RNF149: variants seen among roughly 807,000 people sequenced by gnomAD.
The protein encoded by RNF149 is ring finger protein 149.
In RNF149, 21 loss-of-function variants were observed where a neutral mutation model predicts 39.0. The observed-to-expected ratio is 0.54, with a 90% CI of 0.38 to 0.77. RNF149 has a LOEUF of 0.77. RNF149 is among the 30% of genes least tolerant of loss of function. RNF149 has a pLI of 0.00. For synonymous variants in RNF149, 209 were observed against 213.6 expected (o/e 0.98, Z 0.19); for missense variants, 493 against 534.9 (o/e 0.92, Z 0.77).
chr2:101,274,855 C>A (rs1399805670), downstream of RNF149, among the ~76,000 whole-genome samples: 1 of 151,182 alleles, frequency 6.6e-6, no homozygotes, highest in Non-Finnish European at 1.5e-5. Flanking sequence ...GGCACGATCT[C>A]GGCTCACCGC....
chr2:101,278,905 CA>C (rs1216703481), intron 6 of RNF149, among the ~76,000 whole-genome samples: 2 of 152,194 alleles, frequency 1.3e-5, no homozygotes, highest in Non-Finnish European at 2.9e-5. Context: ...GGTGCACTTC[CA>C]CAGGGAAACA....
At chr2:101,275,433 T>TAAAGACAAAGAGCAAACAATCTACTTGC (rs1682304123), downstream of RNF149, among the ~76,000 whole-genome samples, 12 of 33,836 alleles carry the variant, frequency 3.5e-4, no homozygotes, top group African/African-American at 1.3e-3. Flanking sequence ...TAGTATTTCT[T>TAAAGACAAAGAGCAAACAATCTACTTGC]TTTTTTTTTT....
At chr2:101,291,467 GAGAC>G (rs1481838037) in intron 3 of RNF149, among the ~76,000 whole-genome samples, 1 of 148,906 alleles carries the variant, frequency 6.7e-6, no homozygotes, top group African/African-American at 2.5e-5. Context: ...TTTTTTTTAA[GAGAC>G]AGGGTTTCGC....
rs1474051302 is a variant in RNF149, at chr2:101,294,824, A to G, written c.711+107T>C. ...AAGTCATGTTGAATACTTAAATAAT[A>G]TAAGCGAAAATCAAGATTATGGTCA... On this transcript the variant is annotated intron_variant, in intron 2 of 6. Transcript: ENST00000295317. 7.1e-5 allele frequency: 67 copies of G among 944,556 alleles called. 1 individual carries two copies. The highest frequency in any genetic ancestry group is 9.6e-5 in the Non-Finnish European group (60 of 626,846). The allele number at this position is 944,556 out of a possible 1,614,324, so 58.5% of individuals were successfully genotyped here. A position where few individuals can be genotyped will look rare whatever the true frequency, so the allele number is the denominator to read the frequency against.
intron 1 of RNF149, among the ~76,000 whole-genome samples, chr2:101,297,855 T>G (rs572176340): frequency 1.3e-5 from 2 of 152,300 alleles, no homozygotes; most frequent in East Asian, 3.9e-4. Flanking sequence ...ACTCTCTCCC[T>G]GCAAAAGGGA....
intron 1 of RNF149, among the ~76,000 whole-genome samples, chr2:101,304,313 C>T (rs558220319): frequency 2.0e-4 from 31 of 152,324 alleles, no homozygotes; most frequent in African/African-American, 7.2e-4. Context: ...GAGAGGATCA[C>T]TTGAGTCCAG....
At chr2:101,273,180 G>T, downstream of RNF149, 1 of 1,262,622 alleles carries the variant, frequency 7.9e-7, no homozygotes, top group Non-Finnish European at 1.1e-6. Flanking sequence ...TTTCTGCTGG[G>T]AAACCCAGAA....
At chr2:101,294,103 T>C (rs375296169) in intron 2 of RNF149, 21 bp from the exon 3 acceptor site, 68 of 1,324,678 alleles carry the variant, frequency 5.1e-5, no homozygotes, top group Non-Finnish European at 6.7e-5. Flanking sequence ...AAAATATTAA[T>C]ACAGTTATTG....
At chr2:101,302,198 T>G (rs1397713306) in intron 1 of RNF149, among the ~76,000 whole-genome samples, 1 of 152,222 alleles carries the variant, frequency 6.6e-6, no homozygotes, top group Non-Finnish European at 1.5e-5. Context: ...TGTTCTTATT[T>G]GTTTTTGTAG....
intron 3 of RNF149, among the ~76,000 whole-genome samples, chr2:101,290,848 GC>G (rs1682980522): frequency 2.0e-5 from 3 of 152,128 alleles, no homozygotes; most frequent in South Asian, 2.1e-4. Flanking sequence ...GTGGTAATCA[GC>G]CCTCCCTACT....
chr2:101,299,139 G>C (rs536968198), intron 1 of RNF149, among the ~76,000 whole-genome samples: 2 of 152,330 alleles, frequency 1.3e-5, no homozygotes, highest in African/African-American at 4.8e-5. Context: ...CTGGGCGACA[G>C]GGCGAGACTC....
intron 1 of RNF149, among the ~76,000 whole-genome samples, chr2:101,301,615 G>A (rs1276417981): frequency 6.6e-6 from 1 of 152,138 alleles, no homozygotes; most frequent in African/African-American, 2.4e-5. Flanking sequence ...CTCAAAGATA[G>A]TATTTTTAAC....
At chr2:101,293,928 T>C in intron 3 of RNF149, 86 bp downstream of exon 3, 1 of 751,582 alleles carries the variant, frequency 1.3e-6, no homozygotes, top group Non-Finnish European at 2.2e-6. Context: ...ACAAAATATT[T>C]CTGCCAATCC....
chr2:101,301,019 G>C (rs1683431438), intron 1 of RNF149, among the ~76,000 whole-genome samples: 1 of 152,144 alleles, frequency 6.6e-6, no homozygotes, highest in Non-Finnish European at 1.5e-5. Flanking sequence ...CCAAATCACA[G>C]CTTATTTCCA....
intron 1 of RNF149, chr2:101,307,908 A>T: frequency 1.0e-6 from 1 of 985,434 alleles, no homozygotes; most frequent in Non-Finnish European, 1.2e-6. Context: ...CTCATCGATC[A>T]AAGGCGAAGA....
chr2:101,295,990 A>G (rs934479204), intron 1 of RNF149, among the ~76,000 whole-genome samples: 4 of 151,862 alleles, frequency 2.6e-5, no homozygotes, highest in African/African-American at 9.7e-5. Flanking sequence ...CTCTACAAAT[A>G]ATTTAAAGAA....
rs1433291945 is a variant in RNF149, at chr2:101,308,695, C to T, written c.-107G>A. The T allele has an allele frequency of 3.7e-6, 4 of 1,076,404 alleles. No individual in the cohort carries two copies. The highest frequency in any genetic ancestry group is 5.1e-6 in the Non-Finnish European group (4 of 790,994). 66.7% of individuals were successfully genotyped at this position (1,076,404 alleles called of 1,614,324 possible). ...CCACCGCCGCCCTGGAAGACTGAGG[C>T]GGGGTCGGGGCCGCTGCGCACGCGC... On this transcript the variant is annotated 5_prime_UTR_variant, in exon 1 of 7. Coordinates refer to ENST00000295317, the MANE Select transcript of RNF149 (RefSeq NM_173647.4).
At chr2:101,308,056 G>A (rs1419679424) in intron 1 of RNF149, 73 bp downstream of exon 1, 1 of 1,553,394 alleles carries the variant, frequency 6.4e-7, no homozygotes, top group Non-Finnish European at 8.7e-7. Flanking sequence ...CTGCGGTTCA[G>A]GGCCAACCCT....
At chr2:101,294,245 G>A (rs1343781085) in intron 2 of RNF149, 163 bp from the exon 3 acceptor site, 3 of 498,850 alleles carry the variant, frequency 6.0e-6, no homozygotes, top group African/African-American at 2.0e-5. Context: ...GCAAAACTGC[G>A]ATTACTTTTG....
Sources: gnomAD v4.1 joint callset for allele counts (sites outside exome capture counted in the v4.1 genomes callset) on GRCh38, gnomAD v4.1.1 for gene constraint, MANE v1.5 for transcripts, NCBI Gene and HGNC (gene_info 2026-07-23, HGNC 2026-07-21) for gene names.